Variants in FHAD1 observed in about 807,000 individuals in gnomAD.
FHAD1 encodes forkhead associated phosphopeptide binding domain 1.
FHAD1 carries 146 observed loss-of-function variants against 191.3 expected under a neutral mutation model. That is an observed-to-expected ratio of 0.76 (90% CI 0.67 to 0.88). The LOEUF is 0.88. Ranked by LOEUF, FHAD1 falls within the 40% of genes least tolerant of loss-of-function variation. FHAD1 has a pLI of 0.00. For synonymous variants in FHAD1, 616 were observed against 672.3 expected (o/e 0.92, Z 1.29); for missense variants, 1,635 against 1,785.8 (o/e 0.92, Z 1.52).
chr1:15,288,476 G>A (rs1663300708), intron 3 of FHAD1, among the ~76,000 whole-genome samples: 1 of 152,248 alleles, frequency 6.6e-6, no homozygotes. Flanking sequence ...TAATCAGACA[G>A]TCAGTGTCCC....
intron 14 of FHAD1, among the ~76,000 whole-genome samples, chr1:15,331,434 G>C (rs532504362): frequency 1.3e-5 from 2 of 150,808 alleles, no homozygotes; most frequent in Non-Finnish European, 3.0e-5. Context: ...ATGGATGGAC[G>C]GACGGGTGGA....
At chr1:15,304,908 GCGCCACCTGGTGGC>G (rs1286989626) in intron 6 of FHAD1, among the ~76,000 whole-genome samples, 1 of 151,898 alleles carries the variant, frequency 6.6e-6, no homozygotes, top group African/African-American at 2.4e-5. Flanking sequence ...CAGACTGTGA[GCGCCACCTGGTGGC>G]CAGGTGCAGG....
chr1:15,318,495 G>A lies in FHAD1; in HGVS notation c.1365+567G>A, dbSNP rs1675219264. On this transcript the variant is annotated intron_variant, in intron 10 of 33. Transcript: ENST00000688493. The surrounding 1 kb of genome is among the most constrained non-coding windows in gnomAD (Gnocchi z 4.1). ...CTAAAAATACAAAAATTAGCCAGATGTGGTGGCGGAGGCCTGTAATTCCAG... is the reference window on the plus strand; with the variant it reads ...CTAAAAATACAAAAATTAGCCAGATATGGTGGCGGAGGCCTGTAATTCCAG... Among the ~76,000 whole-genome samples the A allele has an allele frequency of 6.6e-6, 1 of 152,296 alleles. No homozygotes were observed. The highest frequency in any genetic ancestry group is 2.1e-4 in the South Asian group (1 of 4,822).
chr1:15,342,044 G>C (rs1382008303), intron 16 of FHAD1, among the ~76,000 whole-genome samples, 156 bp downstream of exon 16: 2 of 152,192 alleles, frequency 1.3e-5, no homozygotes, highest in Non-Finnish European at 2.9e-5. Flanking sequence ...AATTGGGGAG[G>C]ATTTAACATG....
At chr1:15,359,977 T>G (rs540520524) in intron 21 of FHAD1, among the ~76,000 whole-genome samples, 59 of 149,280 alleles carry the variant, frequency 4.0e-4, no homozygotes, top group South Asian at 8.6e-4. Context: ...GCTGAGTGTG[T>G]TGGCGCACAC....
At chr1:15,242,453 G>A (rs1251898758), upstream of FHAD1, among the ~76,000 whole-genome samples, 1 of 152,096 alleles carries the variant, frequency 6.6e-6, no homozygotes. Flanking sequence ...TAATAAATAT[G>A]AGCTGAATTT....
chr1:15,271,503 G>A (rs1329581036), intron 2 of FHAD1, among the ~76,000 whole-genome samples: 2 of 152,200 alleles, frequency 1.3e-5, no homozygotes, highest in South Asian at 2.1e-4. Flanking sequence ...AGACACACTG[G>A]CTGGGGCCCC....
intron 10 of FHAD1, among the ~76,000 whole-genome samples, chr1:15,320,213 A>G (rs1382517714): frequency 6.6e-6 from 1 of 152,222 alleles, no homozygotes; most frequent in African/African-American, 2.4e-5. Flanking sequence ...TGGTCAGAGA[A>G]CATTTTCTGT....
Position 15,381,211 on chromosome 1 carries a change from C to T in FHAD1, c.3802-20C>T, listed in dbSNP as rs768912171. The T allele has an allele frequency of 8.5e-6, 13 of 1,530,732 alleles. No individual in the cohort carries two copies. Among genetic ancestry groups the T allele is most frequent in the East Asian group, 2.5e-5 (1 of 40,766 alleles). The allele number at this position is 1,530,732 out of a possible 1,614,324, so 94.8% of individuals were successfully genotyped here. A position where few individuals can be genotyped will look rare whatever the true frequency, so the allele number is the denominator to read the frequency against. On this transcript the variant is annotated intron_variant, in intron 29 of 33. Coordinates refer to ENST00000688493, the MANE Select transcript of FHAD1 (RefSeq NM_001391957.1). This position sits in a 1 kb window ranked among gnomAD's most constrained non-coding sequence, Gnocchi z 4.6. ...GCGGCCGCGGGTAATGCCTCTTATG[C>T]GCGAACGTTTTCCTTGTAGTACCTG...
Position 15,272,476 on chromosome 1 carries a change from A to G in FHAD1, c.247A>G (p.Arg83Gly). Residue 83 changes from arginine (R) to glycine (G), a missense_variant, in exon 3 of 34, where the codon AGA (arginine) becomes GGA (glycine). By Grantham distance (125) the Arg-to-Gly change is moderately radical (BLOSUM62 -2). Coordinates refer to ENST00000688493, the MANE Select transcript of FHAD1 (RefSeq NM_001391957.1). ...GAAGCTCATCCCTGGAGACATCCTG[A>G]GATTTGGGTCTGCAGGGCTGACCTA... ...AVKLIPGDIL[R>G]FGSAGLTYEL... is the part of the protein sequence containing the mutation. The G allele has an allele frequency of 4.5e-6, 7 of 1,550,988 alleles. No homozygotes were observed. The highest frequency in any genetic ancestry group is 6.1e-6 in the Non-Finnish European group (7 of 1,146,988).
intron 6 of FHAD1, among the ~76,000 whole-genome samples, chr1:15,307,642 A>G (rs1293297833): frequency 2.0e-5 from 3 of 152,018 alleles, no homozygotes; most frequent in Non-Finnish European, 4.4e-5. Context: ...AGGGGTTTCC[A>G]CTTTTGCTTT....
Position 15,325,773 on chromosome 1 carries a change from C to T in FHAD1, c.1473+1214C>T, listed in dbSNP as rs1007147580. On this transcript the variant is annotated intron_variant, in intron 11 of 33. Transcript: ENST00000688493. This position sits in a 1 kb window ranked among gnomAD's most constrained non-coding sequence, Gnocchi z 4.6. The stretch of plus-strand genomic sequence containing the variant: ...AGCCCTGGAGGTCCTGAGACTGCTC[C>T]AGGTCTAGACTTGAGAGAAAGGACA... 1 of 152,462 alleles carries T rather than the reference C, an allele frequency of 6.6e-6. No individual in the cohort carries two copies. Among genetic ancestry groups the T allele is most frequent in the Non-Finnish European group, 1.5e-5 (1 of 68,234 alleles). 9.4% of individuals were successfully genotyped at this position (152,462 alleles called of 1,614,324 possible). A position where few individuals can be genotyped will look rare whatever the true frequency, so the allele number is the denominator to read the frequency against.
intron 2 of FHAD1, among the ~76,000 whole-genome samples, chr1:15,253,819 C>A (rs924252941): frequency 1.3e-5 from 2 of 152,176 alleles, no homozygotes. Flanking sequence ...TTGGCTGGGA[C>A]TTCCAGTAGT....
At chr1:15,295,166 C>G (rs1666505097) in intron 4 of FHAD1, among the ~76,000 whole-genome samples, 1 of 152,184 alleles carries the variant, frequency 6.6e-6, no homozygotes, top group Admixed American at 6.5e-5. Flanking sequence ...AATCTTGACT[C>G]TATCACTCAC....
intron 31 of FHAD1, chr1:15,383,038 A>G (rs1185356260): frequency 3.0e-5 from 14 of 466,528 alleles, no homozygotes; most frequent in East Asian, 7.0e-5. Flanking sequence ...ACACTCTGGT[A>G]TCTCATCTGT....
rs144797340 is a variant in FHAD1 at position 15,355,145 on chromosome 1, G to T, written c.2562+2161G>T. 5.8e-3 allele frequency among the ~76,000 whole-genome samples: 872 copies of T among 151,506 alleles called. 6 individuals are homozygous for T. The highest frequency in any genetic ancestry group is 0.02 in the African/African-American group (815 of 41,206). ...AATCACTTGAACCCGGGAGGCAGAG[G>T]TTGCAATGAGTCAAGGTCATGCCAT... On this transcript the variant is annotated intron_variant, in intron 20 of 33. Coordinates refer to ENST00000688493, the MANE Select transcript of FHAD1 (RefSeq NM_001391957.1).
At chr1:15,380,855 T>A in intron 29 of FHAD1, 59 bp downstream of exon 29, 2 of 1,257,714 alleles carry the variant, frequency 1.6e-6, no homozygotes. Flanking sequence ...CTGCAGTCAG[T>A]GTTGAACGCA....
At chr1:15,349,253 T>C in intron 19 of FHAD1, 104 bp downstream of exon 19, 1 of 870,818 alleles carries the variant, frequency 1.1e-6, no homozygotes, top group Non-Finnish European at 1.8e-6. Flanking sequence ...ATGCCTCCCT[T>C]TGAAGTGGCC....
At chr1:15,386,686 C>T (rs113923268) in intron 31 of FHAD1, among the ~76,000 whole-genome samples, 2 of 152,332 alleles carry the variant, frequency 1.3e-5, no homozygotes, top group African/African-American at 2.4e-5. Flanking sequence ...AGCCCCTAAC[C>T]TTGCCTCTGC....
Sources: gnomAD v4.1 joint callset for allele counts (sites outside exome capture counted in the v4.1 genomes callset) on GRCh38, gnomAD v4.1.1 for gene constraint, Gnocchi (gnomAD v3.1) non-coding constraint, MANE v1.5 for transcripts, NCBI Gene and HGNC (gene_info 2026-07-23, HGNC 2026-07-21) for gene names.